Variants in COPS4 observed in about 807,000 individuals in gnomAD.
COPS4 encodes COP9 signalosome complex subunit 4.
Under a neutral mutation model 55.1 loss-of-function variants are expected in COPS4, and 8 were observed. That is an observed-to-expected ratio of 0.15 (90% CI 0.09 to 0.26). The LOEUF (loss-of-function observed/expected upper bound fraction) is 0.26, where lower values mean the gene tolerates loss of function less well. Among genes scored for constraint, COPS4 ranks in the 10% least tolerant of loss-of-function variants. The probability of loss-of-function intolerance (pLI) is 1.00; values close to 1 mark genes in which losing one functional copy is unlikely to be tolerated. For missense variants in COPS4, 248 were observed against 484.0 expected (o/e 0.51, Z 4.58); for synonymous variants, 185 against 165.7 (o/e 1.12, Z -0.90).
Position 83,063,275 on chromosome 4 carries a change from TAG to T in COPS4, c.886+30_886+31del, listed in dbSNP as rs772787001. The T allele has an allele frequency of 4.5e-6, 7 of 1,559,624 alleles. No individual in the cohort carries two copies. In the African/African-American group the frequency reaches 9.7e-5, roughly 22 times the overall value. ...ATGATCCTGTCTTATGTGTATATGG[TAG>T]TCAATGTTTAGGTACAGACTAGTGA... On this transcript the variant is annotated intron_variant, in intron 7 of 9. Coordinates refer to ENST00000264389, the MANE Select transcript of COPS4 (RefSeq NM_016129.3).
In COPS4 at chr4:83,070,031, A is replaced by G. The variant is rs570875096; in HGVS notation, c.1087+1509A>G. The stretch of plus-strand genomic sequence containing the variant: ...AAAATCCTTTTATCTTCCAAATCTC[A>G]TCTTGACTTTTCAACATATCAAATA... On this transcript the variant is annotated intron_variant, in intron 9 of 9. Transcript: ENST00000264389. Among the ~76,000 whole-genome samples the G allele has an allele frequency of 2.8e-4, 42 of 152,224 alleles. 1 individual carries two copies. The South Asian group carries it at 7.3e-3, about 26-fold the overall frequency.
At chr4:83,057,520 A>T (rs558400998) in intron 6 of COPS4, 112 bp downstream of exon 6, 2 of 760,876 alleles carry the variant, frequency 2.6e-6, no homozygotes, top group African/African-American at 3.5e-5. Flanking sequence ...GGATGTCTTC[A>T]TAATACAGTT....
Position 83,059,806 on chromosome 4 carries a change from C to G in COPS4, c.715+2398C>G, listed in dbSNP as rs1731111318. ...CAGCCTCCCAGGTTCATGCCATTCT[C>G]CCGCCTCAGCCTCCCGAGTGAGTAG... is the stretch of plus-strand genomic sequence containing the variant. On this transcript the variant is annotated intron_variant, in intron 6 of 9. Coordinates refer to ENST00000264389, the MANE Select transcript of COPS4 (RefSeq NM_016129.3). Among the ~76,000 whole-genome samples, 3 of 24,692 alleles carry G rather than the reference C, an allele frequency of 1.2e-4. No individual in the cohort carries two copies. In the South Asian group the frequency reaches 5.2e-3, roughly 43 times the overall value. The allele number at this position is 24,692 out of a possible 152,430, so 16.2% of individuals were successfully genotyped here.
chr4:83,037,695 G>C (rs1730461332), intron 1 of COPS4, among the ~76,000 whole-genome samples: 1 of 151,754 alleles, frequency 6.6e-6, no homozygotes, highest in Admixed American at 6.6e-5. Context: ...GAAGGTTTTT[G>C]GGTGTTTTTT....
At chr4:83,035,530 C>T (rs1190554540) in intron 1 of COPS4, 5 of 373,792 alleles carry the variant, frequency 1.3e-5, no homozygotes, top group South Asian at 8.6e-5. Flanking sequence ...TCAGCTTGTT[C>T]AGTTCTTGAT....
intron 4 of COPS4, among the ~76,000 whole-genome samples, chr4:83,054,827 C>T (rs1041008834): frequency 6.6e-6 from 1 of 152,048 alleles, no homozygotes; most frequent in Non-Finnish European, 1.5e-5. Context: ...GTTTTCTAAA[C>T]GAGTTAAAGT....
chr4:83,060,595 C>G (rs111529803), intron 6 of COPS4, among the ~76,000 whole-genome samples: 1 of 151,660 alleles, frequency 6.6e-6, no homozygotes, highest in Non-Finnish European at 1.5e-5. Flanking sequence ...CATGAGCCAC[C>G]GTGCCCGGCC....
chr4:83,045,978 G>A (rs1394343729), intron 2 of COPS4, among the ~76,000 whole-genome samples: 1 of 152,066 alleles, frequency 6.6e-6, no homozygotes. Flanking sequence ...TCAAATCCTG[G>A]TATGCTATTT....
rs981963452 is a variant in COPS4 at position 83,045,534 on chromosome 4, C to A, written c.75-92C>A. 1.2e-5 allele frequency: 12 copies of A among 987,636 alleles called. No individual in the cohort carries two copies. The Admixed American group carries it at 2.1e-4, about 18-fold the overall frequency. 61.2% of individuals were successfully genotyped at this position (987,636 alleles called of 1,614,324 possible). A position where few individuals can be genotyped will look rare whatever the true frequency, so the allele number is the denominator to read the frequency against. On this transcript the variant is annotated intron_variant, in intron 1 of 9. Coordinates refer to ENST00000264389, the MANE Select transcript of COPS4 (RefSeq NM_016129.3). The stretch of plus-strand genomic sequence containing the variant: ...CAAACTATAGTACTATGAAAGAAAC[C>A]AAGGTATGTAGAAATGAATAAATAC...
chr4:83,044,758 G>C (rs1275704792), intron 1 of COPS4, among the ~76,000 whole-genome samples: 1 of 152,196 alleles, frequency 6.6e-6, no homozygotes, highest in African/African-American at 2.4e-5. Context: ...CTGGGTGACA[G>C]AGCGAGACTC....
At chr4:83,067,172 A>G (rs911609567) in intron 8 of COPS4, among the ~76,000 whole-genome samples, 3 of 151,870 alleles carry the variant, frequency 2.0e-5, no homozygotes, top group South Asian at 2.1e-4. Flanking sequence ...GGTTCAAGCA[A>G]TCTTCCTGTC....
chr4:83,037,443 A>T (rs1578699990), intron 1 of COPS4, among the ~76,000 whole-genome samples: 1 of 152,234 alleles, frequency 6.6e-6, no homozygotes, highest in African/African-American at 2.4e-5. Context: ...TATTGTGAAG[A>T]TTAAATGAAA....
intron 1 of COPS4, among the ~76,000 whole-genome samples, chr4:83,038,079 C>G (rs1000640547): frequency 3.3e-5 from 5 of 152,216 alleles, no homozygotes; most frequent in African/African-American, 1.2e-4. Context: ...TTTATTATCT[C>G]ACATAAAGCT....
At chr4:83,053,657 A>G (rs921109273) in intron 4 of COPS4, among the ~76,000 whole-genome samples, 4 of 152,010 alleles carry the variant, frequency 2.6e-5, no homozygotes, top group African/African-American at 7.3e-5. Context: ...CCTGGCCAAC[A>G]TGGTGAAACC....
At position 83,071,959 on chromosome 4, in the gene COPS4, C is replaced by T. The variant is rs1418867754; in HGVS notation, c.1088-3338C>T. 2.0e-5 allele frequency among the ~76,000 whole-genome samples: 3 copies of T among 152,336 alleles called. No individual in the cohort carries two copies. In the East Asian group the frequency reaches 5.8e-4, roughly 29 times the overall value. ...TCTCATGACCTCGTGATCCGCCCGCCTCGGCCTCCCAAAGTGCTGGGATTA... is the reference window on the plus strand; with the variant it reads ...TCTCATGACCTCGTGATCCGCCCGCTTCGGCCTCCCAAAGTGCTGGGATTA... On this transcript the variant is annotated intron_variant, in intron 9 of 9. Coordinates refer to ENST00000264389, the MANE Select transcript of COPS4 (RefSeq NM_016129.3).
Position 83,075,549 on chromosome 4 carries a change from C to T in COPS4, c.*119C>T. 8.8e-7 allele frequency: 1 copy of T among 1,134,934 alleles called. No individual in the cohort carries two copies. 70.3% of individuals were successfully genotyped at this position (1,134,934 alleles called of 1,614,324 possible). A position where few individuals can be genotyped will look rare whatever the true frequency, so the allele number is the denominator to read the frequency against. Reference sequence around the variant, plus strand: ...ATTTCAATCCCTTTTATGCTGGATTCCGTTTAAAGAAGACATTATTAGAGC... The same window carrying T: ...ATTTCAATCCCTTTTATGCTGGATTTCGTTTAAAGAAGACATTATTAGAGC... On this transcript the variant is annotated 3_prime_UTR_variant, in exon 10 of 10. Transcript: ENST00000264389.
At chr4:83,056,896 G>C (rs766396714) in intron 4 of COPS4, 30 bp from the exon 5 acceptor site, 15 of 1,526,962 alleles carry the variant, frequency 9.8e-6, no homozygotes, top group Non-Finnish European at 1.3e-5. Context: ...AAAATGTTGA[G>C]TCATTATGTG....
chr4:83,068,349 G>C, intron 8 of COPS4, 89 bp from the exon 9 acceptor site: 1 of 854,338 alleles, frequency 1.2e-6, no homozygotes, highest in Non-Finnish European at 1.9e-6. Flanking sequence ...AGTGATGGTA[G>C]TTAAACCAGA....
chr4:83,039,358 C>G (rs542452497), intron 1 of COPS4, among the ~76,000 whole-genome samples: 1 of 152,188 alleles, frequency 6.6e-6, no homozygotes, highest in African/African-American at 2.4e-5. Flanking sequence ...CAAACACATA[C>G]AAGGCCTCTC....
Sources: gnomAD v4.1 joint callset for allele counts (sites outside exome capture counted in the v4.1 genomes callset) on GRCh38, gnomAD v4.1.1 for gene constraint, MANE v1.5 for transcripts, NCBI Gene and HGNC (gene_info 2026-07-23, HGNC 2026-07-21) for gene names.